The following CERS5 variants were observed in gnomAD, a reference collection of about 807,000 sequenced individuals.
CERS5 encodes LAG1 homolog, ceramide synthase 5.
In CERS5, 37 loss-of-function variants were observed where a neutral mutation model predicts 58.9. The ratio of observed to expected loss-of-function variants is 0.63; its 90% CI spans 0.48 to 0.83. The LOEUF is 0.83. Ranked by LOEUF, CERS5 falls within the 40% of genes least tolerant of loss-of-function variation. The pLI, the probability that CERS5 is intolerant of heterozygous loss-of-function variation, is 0.00. For synonymous variants in CERS5, 147 were observed against 177.8 expected, an observed-to-expected ratio of 0.83 and a Z score of 1.38; for missense variants, 398 against 489.3, an observed-to-expected ratio of 0.81 and a Z score of 1.76.
At chr12:50,136,946 C>A (rs886529928) in intron 6 of CERS5, among the ~76,000 whole-genome samples, 2 of 152,078 alleles carry the variant, frequency 1.3e-5, no homozygotes, top group Non-Finnish European at 2.9e-5. Flanking sequence ...AATAAAGTGA[C>A]CTGTGTCTTC....
intron 9 of CERS5, 183 bp downstream of exon 9, chr12:50,134,363 G>C: frequency 6.7e-7 from 1 of 1,498,628 alleles, no homozygotes; most frequent in Non-Finnish European, 8.9e-7. Context: ...GACAGAGCAA[G>C]ACCTTGTCTC....
At chr12:50,162,289 T>C (rs1264482913) in intron 1 of CERS5, among the ~76,000 whole-genome samples, 1 of 151,372 alleles carries the variant, frequency 6.6e-6, no homozygotes, top group Non-Finnish European at 1.5e-5. Context: ...ATCTTAACAC[T>C]TGAAAGGGGG....
chr12:50,136,116 G>T, intron 6 of CERS5, 47 bp from the exon 7 acceptor site: 5 of 1,450,944 alleles, frequency 3.4e-6, no homozygotes, highest in Non-Finnish European at 4.6e-6. Context: ...CTGGGCCCTA[G>T]AAACACCAGC....
In CERS5 at chr12:50,135,751, G is replaced by C. The variant is rs774908527; in HGVS notation, c.853C>G (p.Leu285Val). The C allele has an allele frequency of 2.2e-5, 35 of 1,612,454 alleles. No individual in the cohort carries two copies. The highest frequency in any genetic ancestry group is 2.8e-5 in the Non-Finnish European group (33 of 1,178,638). ...ACTTACCAGAATGGATAGATTCCTA[G>C]TCGTGTAACCATAAAAACAGCACTG... ...IFSAVFMVTR[L>V]GIYPFWILNT... The change falls in exon 8 of 10, where the codon CTA becomes GTA. Residue 285 changes from leucine to valine, a missense_variant. Around this residue, in one of 3 missense-constraint regions of CERS5, gnomAD observed 328 missense variants for 384.5 expected, o/e 0.85. Coordinates refer to ENST00000317551, the MANE Select transcript of CERS5 (RefSeq NM_147190.5).
Position 50,130,477 on chromosome 12 carries a change from G to A in CERS5, c.*68C>T. 1 of 1,393,040 alleles carries A rather than the reference G, an allele frequency of 7.2e-7. No homozygotes were observed. Among genetic ancestry groups the A allele is most frequent in the South Asian group, 1.5e-5 (1 of 65,808 alleles). 86.3% of individuals were successfully genotyped at this position (1,393,040 alleles called of 1,614,324 possible). A position where few individuals can be genotyped will look rare whatever the true frequency, so the allele number is the denominator to read the frequency against. On this transcript the variant is annotated 3_prime_UTR_variant, in exon 10 of 10. Coordinates refer to ENST00000317551, the MANE Select transcript of CERS5 (RefSeq NM_147190.5). ...ATCACAGAAGAGTAGATATGGGAAGGGCCAAGAGGAGTATGTTGCCAGTGG... is the reference window on the plus strand; with the variant it reads ...ATCACAGAAGAGTAGATATGGGAAGAGCCAAGAGGAGTATGTTGCCAGTGG...
In CERS5 at chr12:50,138,595, C is replaced by T. The variant is rs763130138; in HGVS notation, c.515G>A (p.Arg172Gln). The T allele has an allele frequency of 1.5e-5, 25 of 1,613,662 alleles. No homozygotes were observed. The Admixed American group carries it at 1.8e-4, about 12-fold the overall frequency. The change falls in exon 5 of 10, where the codon CGA becomes CAA. Residue 172 changes from arginine to glutamine, a missense_variant. By Grantham distance (43) the Arg-to-Gln change is conservative (BLOSUM62 1). Coordinates refer to ENST00000317551, the MANE Select transcript of CERS5 (RefSeq NM_147190.5). ...LWSSPWFWDI[R>Q]QCWHNYPFQP... The stretch of plus-strand genomic sequence containing the variant: ...AAATGGATAGTTATGCCAGCACTGT[C>T]GGATGTCCCAGAACCAAGGTGACTA...
chr12:50,154,900 C>A (rs750759359), intron 1 of CERS5, among the ~76,000 whole-genome samples: 1 of 152,028 alleles, frequency 6.6e-6, no homozygotes, highest in Non-Finnish European at 1.5e-5. Context: ...GCTCCGTCAC[C>A]CAGGCTGGAG....
In CERS5 at chr12:50,138,576, A is replaced by T; in HGVS notation, c.534T>A (p.Tyr178Ter). 1 of 1,613,770 alleles carries T rather than the reference A, an allele frequency of 6.2e-7. No individual in the cohort carries two copies. The highest frequency in any genetic ancestry group is 8.5e-7 in the Non-Finnish European group (1 of 1,179,718). Residue 178 changes from tyrosine to a stop codon, truncating the protein, a stop_gained, in exon 5 of 10, where the codon TAT becomes TAA. Coordinates refer to ENST00000317551, the MANE Select transcript of CERS5 (RefSeq NM_147190.5). LOFTEE classifies it high-confidence loss of function. ...ACGACTCAGATCCTACCTGAAATGG[A>T]TAGTTATGCCAGCACTGTCGGATGT... is the stretch of plus-strand genomic sequence containing the variant. Reference protein sequence around the residue: ...FWDIRQCWHNYPFQPLSSGLY... With the variant: ...FWDIRQCWHN
intron 1 of CERS5, chr12:50,153,965 C>T (rs1467969615): frequency 3.1e-6 from 1 of 319,316 alleles, no homozygotes; most frequent in Non-Finnish European, 6.3e-6. Flanking sequence ...AAAACAACAA[C>T]AACAAAACAC....
At chr12:50,136,103 A>T (rs373201495) in intron 6 of CERS5, 34 bp from the exon 7 acceptor site, 5 of 1,467,710 alleles carry the variant, frequency 3.4e-6, no homozygotes, top group Non-Finnish European at 4.5e-6. Flanking sequence ...AGGGAGGTAA[A>T]AGCTGGGCCC....
intron 1 of CERS5, among the ~76,000 whole-genome samples, chr12:50,149,818 C>T (rs1937744327): frequency 6.6e-6 from 1 of 152,196 alleles, no homozygotes. Context: ...GGGCTCACTG[C>T]AACCTCCGCC....
At chr12:50,157,937 C>T (rs1272772558) in intron 1 of CERS5, among the ~76,000 whole-genome samples, 1 of 151,906 alleles carries the variant, frequency 6.6e-6, no homozygotes, top group Non-Finnish European at 1.5e-5. Context: ...TGGCACATGC[C>T]TGTAGTCCCA....
intron 9 of CERS5, among the ~76,000 whole-genome samples, chr12:50,132,358 C>T (rs982314110): frequency 4.0e-5 from 6 of 151,662 alleles, no homozygotes; most frequent in Admixed American, 6.6e-5. Context: ...GCCAAGATCA[C>T]GCCATTGCAC....
chr12:50,135,531 C>T (rs11169281), intron 8 of CERS5: 232,685 of 701,342 alleles, frequency 0.33, 40,070 homozygotes, highest in South Asian at 0.39. Context: ...GCTAGAAATA[C>T]GGTCTGAGGC....
At chr12:50,143,295 A>C (rs753661772) in intron 2 of CERS5, 91 bp from the exon 3 acceptor site, 16 of 1,462,658 alleles carry the variant, frequency 1.1e-5, no homozygotes, top group Non-Finnish European at 1.5e-5. Flanking sequence ...TATGATAGCC[A>C]TAAGTGGCTC....
chr12:50,164,875 A>G (rs1418573000), intron 1 of CERS5, among the ~76,000 whole-genome samples: 1 of 152,194 alleles, frequency 6.6e-6, no homozygotes, highest in Non-Finnish European at 1.5e-5. Flanking sequence ...TAACATGGGG[A>G]AATTTCCATA....
chr12:50,136,031 A>G lies in CERS5; in HGVS notation c.675T>C (p.Ile225=). 8 of 1,510,462 alleles carry G rather than the reference A, an allele frequency of 5.3e-6. No individual in the cohort carries two copies. The highest frequency in any genetic ancestry group is 7.1e-6 in the Non-Finnish European group (8 of 1,132,508). 93.6% of individuals were successfully genotyped at this position (1,510,462 alleles called of 1,614,324 possible). ...LIMFVHHLVT[I]GLISFSYINN... ...TGATGTAGGAGAAGGAGATAAGCCC[A>G]ATGGTGACCAAGTGATGCACAAACA... The change falls in exon 7 of 10, where the codon ATT becomes ATC. Residue 225 remains isoleucine, a synonymous_variant. Transcript: ENST00000317551.
chr12:50,130,267 G>A lies in CERS5; in HGVS notation c.*278C>T. 2 of 282,756 alleles carry A rather than the reference G, an allele frequency of 7.1e-6. No individual in the cohort carries two copies. The allele number at this position is 282,756 out of a possible 1,614,324, so 17.5% of individuals were successfully genotyped here. ...GGCCTCATGGCCCCAGTCCACAATT[G>A]TGCCCCAACCCCGGCAATGAAACTC... On this transcript the variant is annotated 3_prime_UTR_variant, in exon 10 of 10. Transcript: ENST00000317551.
intron 1 of CERS5, among the ~76,000 whole-genome samples, chr12:50,159,723 A>C (rs1034444795): frequency 3.3e-5 from 5 of 151,874 alleles, no homozygotes; most frequent in African/African-American, 1.2e-4. Flanking sequence ...CCTCCTGAGT[A>C]GCTGGGATTA....
Sources: allele counts gnomAD v4.1 joint callset (sites outside exome capture counted in the v4.1 genomes callset), GRCh38; gene constraint gnomAD v4.1.1; regional missense constraint gnomAD v4.1.1; transcripts MANE v1.5; gene names NCBI Gene and HGNC (gene_info 2026-07-23, HGNC 2026-07-21).